Variants in LPP observed in about 807,000 individuals in gnomAD.
LPP encodes the protein LIM domain containing preferred translocation partner in lipoma, also known as lipoma-preferred partner.
Under a neutral mutation model 60.4 loss-of-function variants are expected in LPP, and 38 were observed. The ratio of observed to expected loss-of-function variants is 0.63; its 90% CI spans 0.49 to 0.83. The LOEUF (loss-of-function observed/expected upper bound fraction) is 0.83, where lower values mean the gene tolerates loss of function less well. Ranked by LOEUF, LPP falls within the 40% of genes least tolerant of loss-of-function variation. The pLI is 0.00. For synonymous variants in LPP, 328 were observed against 290.8 expected, an observed-to-expected ratio of 1.13 and a Z score of -1.30; for missense variants, 902 against 783.6, an observed-to-expected ratio of 1.15 and a Z score of -1.80.
intron 9 of LPP, among the ~76,000 whole-genome samples, chr3:188,787,430 ACG>A (rs1451271747): frequency 1.3e-5 from 2 of 152,098 alleles, no homozygotes; most frequent in African/African-American, 4.8e-5. Context: ...TTACACACAC[ACG>A]CACACACACA....
chr3:188,843,072 T>G (rs2151757253), intron 9 of LPP, among the ~76,000 whole-genome samples: 1 of 152,340 alleles, frequency 6.6e-6, no homozygotes, highest in African/African-American at 2.4e-5. Flanking sequence ...TTTTTGTTGT[T>G]TAGTATGCCA....
In LPP at chr3:188,530,907, G is replaced by T. The variant is rs145254432; in HGVS notation, c.429+6120G>T. The stretch of plus-strand genomic sequence containing the variant: ...GCTTAGCCTCTAGAAGCTATGCAGG[G>T]GTTGGAACGAAATTCTGTCTATTTC... On this transcript the variant is annotated intron_variant, in intron 6 of 11. Transcript: ENST00000617246. Among the ~76,000 whole-genome samples the T allele has an allele frequency of 3.0e-4, 46 of 152,274 alleles. No individual in the cohort carries two copies. The East Asian group carries it at 6.8e-3, about 22-fold the overall frequency.
At chr3:188,420,009 C>A in intron 4 of LPP, among the ~76,000 whole-genome samples, 1 of 152,112 alleles carries the variant, frequency 6.6e-6, no homozygotes, top group Non-Finnish European at 1.5e-5. Context: ...GTGGAAGCTG[C>A]AATCATTGTT....
chr3:188,435,558 T>G (rs1376101773), intron 4 of LPP, among the ~76,000 whole-genome samples: 1 of 152,214 alleles, frequency 6.6e-6, no homozygotes, highest in African/African-American at 2.4e-5. Flanking sequence ...AATACCTGTT[T>G]TCTTTTCAGG....
At chr3:188,632,145 C>T (rs1260570820) in intron 7 of LPP, among the ~76,000 whole-genome samples, 3 of 152,166 alleles carry the variant, frequency 2.0e-5, no homozygotes, top group Non-Finnish European at 4.4e-5. Flanking sequence ...CTCCCTCTCT[C>T]CTTACCTCTG....
chr3:188,830,048 A>G (rs144946903), intron 9 of LPP, among the ~76,000 whole-genome samples: 1 of 151,948 alleles, frequency 6.6e-6, no homozygotes, highest in African/African-American at 2.4e-5. Flanking sequence ...TTTTGAAAGT[A>G]TAAATCATCT....
chr3:188,768,026 G>GA (rs1420879905), intron 9 of LPP, among the ~76,000 whole-genome samples: 2 of 152,028 alleles, frequency 1.3e-5, no homozygotes, highest in African/African-American at 2.4e-5. Context: ...AATTAGGAAT[G>GA]AAAAAGACAC....
At chr3:188,456,152 C>A (rs546204915) in intron 4 of LPP, among the ~76,000 whole-genome samples, 1 of 152,166 alleles carries the variant, frequency 6.6e-6, no homozygotes, top group Non-Finnish European at 1.5e-5. Flanking sequence ...CCAACCACTG[C>A]GATTACAGGC....
intron 8 of LPP, among the ~76,000 whole-genome samples, chr3:188,731,512 G>GTTTTT (rs1287173712): frequency 1.0e-5 from 1 of 98,500 alleles, no homozygotes; most frequent in Non-Finnish European, 2.0e-5. Flanking sequence ...TTATTTTTTT[G>GTTTTT]TTTTTTTTGT....
chr3:188,444,088 A>T (rs1794665113), intron 4 of LPP, among the ~76,000 whole-genome samples: 1 of 152,212 alleles, frequency 6.6e-6, no homozygotes, highest in Non-Finnish European at 1.5e-5. Context: ...TCTTCATTAA[A>T]ATGTTCCAAC....
chr3:188,469,066 T>C (rs1322483755), intron 4 of LPP, among the ~76,000 whole-genome samples: 1 of 152,132 alleles, frequency 6.6e-6, no homozygotes, highest in African/African-American at 2.4e-5. Flanking sequence ...AACCCAAGGA[T>C]TGACTTTTTT....
Position 188,881,139 on chromosome 3 carries a change from C to CAAAAAAAACAAAAAAAAAAAA in LPP, c.*6668_*6669insCAAAAAAAAAAAAAAAAAAAA. 1.4e-5 allele frequency: 1 copy of CAAAAAAAACAAAAAAAAAAAA among 72,388 alleles called. No individual in the cohort carries two copies. The highest frequency in any genetic ancestry group is 3.1e-5 in the Non-Finnish European group (1 of 32,568). 4.5% of individuals were successfully genotyped at this position (72,388 alleles called of 1,614,324 possible). A position where few individuals can be genotyped will look rare whatever the true frequency, so the allele number is the denominator to read the frequency against. On this transcript the variant is annotated 3_prime_UTR_variant, in exon 12 of 12. Transcript: ENST00000617246. ...TGGGCGAAAGAGCGAGACTCCGTCTCAAAAAAAAAAAAAAAAAAATAGGAT... is the reference window on the plus strand; with the variant it reads ...TGGGCGAAAGAGCGAGACTCCGTCTCAAAAAAAACAAAAAAAAAAAAAAAAAAAAAAAAAAAAAAATAGGAT...
chr3:188,866,822 G>A (rs886171888), intron 10 of LPP, among the ~76,000 whole-genome samples: 1 of 152,104 alleles, frequency 6.6e-6, no homozygotes, highest in African/African-American at 2.4e-5. Flanking sequence ...GAGCTAATCT[G>A]TGCATCCCTG....
intron 8 of LPP, among the ~76,000 whole-genome samples, chr3:188,757,889 G>GTTTTTTGTTTTTTTTTTTTTTT (rs1553833771): frequency 1.3e-5 from 1 of 78,738 alleles, no homozygotes. Flanking sequence ...TGTTTTTTTG[G>GTTTTTTGTTTTTTTTTTTTTTT]TTTTTTTTTT....
chr3:188,563,458 A>ATGTGTGTGTGTGTGTGTGTGTGTGTG (rs966931196), intron 6 of LPP, among the ~76,000 whole-genome samples: 1 of 76,034 alleles, frequency 1.3e-5, no homozygotes, highest in African/African-American at 5.1e-5. Context: ...ATTTACATAT[A>ATGTGTGTGTGTGTGTGTGTGTGTGTG]TATGTGTGTG....
intron 2 of LPP, among the ~76,000 whole-genome samples, chr3:188,258,055 C>T (rs1340947120): frequency 6.6e-6 from 1 of 152,210 alleles, no homozygotes; most frequent in African/African-American, 2.4e-5. Flanking sequence ...TGCTGATGCT[C>T]ATGACACTTC....
At chr3:188,254,650 C>T (rs1009083791) in intron 2 of LPP, among the ~76,000 whole-genome samples, 1 of 152,176 alleles carries the variant, frequency 6.6e-6, no homozygotes, top group Non-Finnish European at 1.5e-5. Context: ...TAAGGGAGAA[C>T]ATTCTGTGTT....
chr3:188,211,284 G>A (rs1178341959), intron 1 of LPP, among the ~76,000 whole-genome samples: 1 of 152,088 alleles, frequency 6.6e-6, no homozygotes, highest in East Asian at 1.9e-4. Flanking sequence ...CCTGATCAGA[G>A]CTGTTTATAG....
At chr3:188,340,409 T>TC (rs1217358378) in intron 2 of LPP, among the ~76,000 whole-genome samples, 2 of 151,682 alleles carry the variant, frequency 1.3e-5, no homozygotes, top group Non-Finnish European at 1.5e-5. Flanking sequence ...TTTTTTTTTT[T>TC]TTTTTTTGAA....
Sources: allele counts gnomAD v4.1 joint callset (sites outside exome capture counted in the v4.1 genomes callset), GRCh38; gene constraint gnomAD v4.1.1; transcripts MANE v1.5; gene names NCBI Gene and HGNC (gene_info 2026-07-23, HGNC 2026-07-21).